Variants in CDH4 observed in about 807,000 individuals in gnomAD.
CDH4 encodes cadherin-4.
A neutral mutation model predicts 86.0 loss-of-function variants in CDH4; 33 were observed. That is an observed-to-expected ratio of 0.38 (90% CI 0.29 to 0.51). The LOEUF (loss-of-function observed/expected upper bound fraction) is 0.51, where lower values mean the gene tolerates loss of function less well. Among genes scored for constraint, CDH4 ranks in the 20% least tolerant of loss-of-function variants. The pLI, the probability that CDH4 is intolerant of heterozygous loss-of-function variation, is 0.86. For missense variants in CDH4, 1,114 were observed against 1,307.4 expected, an observed-to-expected ratio of 0.85 and a Z score of 2.28; for synonymous variants, 555 against 549.4, an observed-to-expected ratio of 1.01 and a Z score of -0.14.
In CDH4 at chr20:61,929,689, G is replaced by A. The variant is rs771377365; in HGVS notation, c.2086G>A (p.Gly696Arg). The A allele has an allele frequency of 1.2e-6, 2 of 1,614,020 alleles. No individual in the cohort carries two copies. The highest frequency in any genetic ancestry group is 2.7e-5 in the African/African-American group (2 of 74,930). The change falls in exon 13 of 16, where the codon GGA becomes AGA. Residue 696 changes from glycine (G) to arginine (R), a missense_variant. This residue lies in a region of CDH4 where 705 missense variants were observed against 914.1 expected (regional missense o/e 0.77). Coordinates refer to ENST00000614565, the MANE Select transcript of CDH4 (RefSeq NM_001794.5). ...CGTCCCCATCATCGTCACAGACTCTGGAAACCCTCCCCTGTCCAACACGTC... is the reference window on the plus strand; with the variant it reads ...CGTCCCCATCATCGTCACAGACTCTAGAAACCCTCCCCTGTCCAACACGTC... The part of the protein sequence containing the change: ...YDVPIIVTDS[G>R]NPPLSNTSII...
chr20:61,285,083 TTGTTTG>T (rs1411031022), intron 2 of CDH4, among the ~76,000 whole-genome samples: 1 of 133,346 alleles, frequency 7.5e-6, no homozygotes, highest in Non-Finnish European at 1.6e-5. Context: ...TTTTTTTTTT[TTGTTTG>T]TTTGTTTGTT....
In CDH4 at chr20:61,514,306, GCCCCCCCCGC is replaced by G. The variant is rs1354235185; in HGVS notation, c.170-229248_170-229239del. On this transcript the variant is annotated intron_variant, in intron 2 of 15. Coordinates refer to ENST00000614565, the MANE Select transcript of CDH4 (RefSeq NM_001794.5). ...GGGGTCAGGGTTCAGGCCTCAGTCCGCCCCCCCCGCCCCCCCCCACCCCCACCCCCGATGT... is the reference window on the plus strand; with the variant it reads ...GGGGTCAGGGTTCAGGCCTCAGTCCGCCCCCCCCACCCCCACCCCCGATGT... Among the ~76,000 whole-genome samples, 61 of 125,894 alleles carry G rather than the reference GCCCCCCCCGC, an allele frequency of 4.8e-4. 4 individuals are homozygous for G. The highest frequency in any genetic ancestry group is 4.3e-3 in the South Asian group (14 of 3,272). 82.6% of individuals were successfully genotyped at this position (125,894 alleles called of 152,430 possible). A position where few individuals can be genotyped will look rare whatever the true frequency, so the allele number is the denominator to read the frequency against.
intron 2 of CDH4, among the ~76,000 whole-genome samples, chr20:61,574,024 C>T (rs866313257): frequency 5.3e-5 from 8 of 152,306 alleles, no homozygotes; most frequent in Middle Eastern, 3.4e-3. Context: ...AGAAGCCCCA[C>T]GGGCCTGCGA....
chr20:61,852,913 G>A lies in CDH4; in HGVS notation c.877+15G>A, dbSNP rs776466664. The A allele has an allele frequency of 8.1e-6, 13 of 1,612,948 alleles. No homozygotes were observed. The highest frequency in any genetic ancestry group is 1.6e-4 in the Middle Eastern group (1 of 6,078). ...CTCCAAGCCAGGTGAGGCCTTTAGC[G>A]TTTGCTTGCTGGAGACCCTGTGGGC... On this transcript the variant is annotated intron_variant, in intron 6 of 15. Coordinates refer to ENST00000614565, the MANE Select transcript of CDH4 (RefSeq NM_001794.5).
Position 61,471,017 on chromosome 20 carries a change from G to T in CDH4, c.169+216080G>T, listed in dbSNP as rs186183206. ...GGCTTTCTTTTTTTGATGTATCTTT[G>T]TCTGGGTGTGGTATTAGGGTAATAC... On this transcript the variant is annotated intron_variant, in intron 2 of 15. Coordinates refer to ENST00000614565, the MANE Select transcript of CDH4 (RefSeq NM_001794.5). 1.7e-3 allele frequency among the ~76,000 whole-genome samples: 256 copies of T among 152,074 alleles called. 1 individual carries two copies. The highest frequency in any genetic ancestry group is 6.0e-3 in the African/African-American group (250 of 41,526).
chr20:61,805,353 G>A (rs1237356526), intron 4 of CDH4, among the ~76,000 whole-genome samples: 2 of 152,228 alleles, frequency 1.3e-5, no homozygotes, highest in African/African-American at 4.8e-5. Flanking sequence ...CTGAGAAGTG[G>A]CCAGGATGGC....
rs1286750711 is a variant in CDH4 at position 61,935,318 on chromosome 20, A to AGAT, written c.2544+1100_2544+1102dup. 2.6e-5 allele frequency among the ~76,000 whole-genome samples: 4 copies of AGAT among 152,276 alleles called. No individual in the cohort carries two copies. In the East Asian group the frequency reaches 7.7e-4, roughly 29 times the overall value. ...AAAGACAGAAAGGTTTCCCCAAAGC[A>AGAT]GATGGTGTTCTGGGCCACAGATGAA... On this transcript the variant is annotated intron_variant, in intron 15 of 15. Transcript: ENST00000614565.
At chr20:61,374,227 C>A (rs927345320) in intron 2 of CDH4, among the ~76,000 whole-genome samples, 2 of 152,314 alleles carry the variant, frequency 1.3e-5, no homozygotes, top group East Asian at 1.9e-4. Context: ...AAGTTGAGTT[C>A]TGTGCAGCGT....
intron 2 of CDH4, among the ~76,000 whole-genome samples, chr20:61,477,436 G>A (rs147620216): frequency 6.6e-6 from 1 of 152,346 alleles, no homozygotes; most frequent in East Asian, 1.9e-4. Context: ...CCGTGTACAG[G>A]GAGCAGAGGA....
intron 2 of CDH4, among the ~76,000 whole-genome samples, chr20:61,261,400 T>A (rs953903378): frequency 6.6e-6 from 1 of 152,230 alleles, no homozygotes; most frequent in Non-Finnish European, 1.5e-5. Context: ...TTGAGAAATA[T>A]GTGTTTTAAT....
intron 2 of CDH4, among the ~76,000 whole-genome samples, chr20:61,598,746 G>A (rs1314566605): frequency 3.3e-5 from 5 of 152,184 alleles, no homozygotes; most frequent in Non-Finnish European, 7.3e-5. Context: ...CGTCCCAGAG[G>A]CCAGGCTTGC....
rs77056857 is a variant in CDH4, at chr20:61,517,392, G to A, written c.170-226171G>A. On this transcript the variant is annotated intron_variant, in intron 2 of 15. Coordinates refer to ENST00000614565, the MANE Select transcript of CDH4 (RefSeq NM_001794.5). The surrounding 1 kb of genome is among the most constrained non-coding windows in gnomAD (Gnocchi z 6.6). ...TTACTTTTTGTAGAGACAAGGTCTC[G>A]CCGTGTTTCCCAGGCTGGTCTCAAG... Among the ~76,000 whole-genome samples, 4,864 of 152,172 alleles carry A rather than the reference G, an allele frequency of 0.032. 203 individuals are homozygous for A. Among genetic ancestry groups the A allele is most frequent in the African/African-American group, 0.091 (3,768 of 41,502 alleles).
chr20:61,369,511 G>T (rs2084828685), intron 2 of CDH4, among the ~76,000 whole-genome samples: 1 of 151,146 alleles, frequency 6.6e-6, no homozygotes, highest in South Asian at 2.1e-4. Context: ...CAGAATCTGG[G>T]TTGGGTCTGT....
chr20:61,294,943 C>T (rs1055086402), intron 2 of CDH4, among the ~76,000 whole-genome samples: 1 of 152,244 alleles, frequency 6.6e-6, no homozygotes, highest in African/African-American at 2.4e-5. Context: ...AGGCCCAGGC[C>T]TCTGCCCCAA....
At chr20:61,450,273 G>A (rs1056572307) in intron 2 of CDH4, among the ~76,000 whole-genome samples, 1 of 152,146 alleles carries the variant, frequency 6.6e-6, no homozygotes, top group Non-Finnish European at 1.5e-5. Context: ...CAAACTTCTG[G>A]ACAGTTGAGA....
intron 3 of CDH4, among the ~76,000 whole-genome samples, chr20:61,744,599 G>T (rs2088391206): frequency 1.0e-5 from 1 of 100,442 alleles, no homozygotes; most frequent in Non-Finnish European, 2.4e-5. Context: ...GAGAGAGAGA[G>T]ACAGACAGAC....
At chr20:61,408,151 C>G (rs188900443) in intron 2 of CDH4, among the ~76,000 whole-genome samples, 21 of 152,276 alleles carry the variant, frequency 1.4e-4, no homozygotes, top group African/African-American at 2.2e-4. Context: ...CCCTGCCTCT[C>G]TCTTATAAGG....
chr20:61,701,342 G>A (rs2087773692), intron 2 of CDH4, among the ~76,000 whole-genome samples: 1 of 152,202 alleles, frequency 6.6e-6, no homozygotes, highest in African/African-American at 2.4e-5. Flanking sequence ...AATTGCAGGG[G>A]ACAGAATTGA....
intron 2 of CDH4, among the ~76,000 whole-genome samples, chr20:61,467,856 G>A (rs1488302303): frequency 6.6e-6 from 1 of 152,130 alleles, no homozygotes; most frequent in Non-Finnish European, 1.5e-5. Flanking sequence ...TCTCTAGGAG[G>A]ACTCACAGAG....
Sources: allele counts gnomAD v4.1 joint callset (sites outside exome capture counted in the v4.1 genomes callset), GRCh38; gene constraint gnomAD v4.1.1; regional missense constraint gnomAD v4.1.1; non-coding constraint Gnocchi (gnomAD v3.1); transcripts MANE v1.5; gene names NCBI Gene and HGNC (gene_info 2026-07-23, HGNC 2026-07-21).